Variants in GRIA4 observed in about 807,000 individuals in gnomAD.
The protein encoded by GRIA4 is glutamate receptor 4.
GRIA4 carries 34 observed loss-of-function variants against 104.0 expected under a neutral mutation model. The observed-to-expected ratio is 0.33, with a 90% CI of 0.25 to 0.44. The LOEUF is 0.44. Among genes scored for constraint, GRIA4 ranks in the 20% least tolerant of loss-of-function variants. The pLI, the probability that GRIA4 is intolerant of heterozygous loss-of-function variation, is 1.00. For synonymous variants in GRIA4, 386 were observed against 381.9 expected, an observed-to-expected ratio of 1.01 and a Z score of -0.13; for missense variants, 750 against 1,096.5, an observed-to-expected ratio of 0.68 and a Z score of 4.46.
At chr11:105,796,739 A>G (rs1306086504) in intron 4 of GRIA4, among the ~76,000 whole-genome samples, 2 of 152,122 alleles carry the variant, frequency 1.3e-5, no homozygotes. Context: ...AGGAAAATCT[A>G]TTTTTCCATA....
intron 3 of GRIA4, among the ~76,000 whole-genome samples, chr11:105,692,255 T>A (rs530283864): frequency 0.014 from 2,015 of 139,726 alleles, 56 homozygotes; most frequent in African/African-American, 0.048. Context: ...CTCTTTTTTT[T>A]AAAAAAAAAA....
chr11:105,766,355 A>C (rs1591218923), intron 4 of GRIA4, among the ~76,000 whole-genome samples: 2 of 152,178 alleles, frequency 1.3e-5, no homozygotes, highest in Admixed American at 1.3e-4. Flanking sequence ...AGAATTTTCT[A>C]CTATTTATCT....
intron 4 of GRIA4, among the ~76,000 whole-genome samples, chr11:105,756,759 GAA>G (rs148660499): frequency 1.1e-4 from 17 of 150,336 alleles, no homozygotes; most frequent in South Asian, 4.2e-4. Flanking sequence ...AGACTCTCAG[GAA>G]AAAAAAAAAT....
In GRIA4 at chr11:105,753,043, C is replaced by T. The variant is rs1019927472; in HGVS notation, c.310C>T (p.His104Tyr). ...IFGLYDKRSV[H>Y]TLTSFCSALH... ...TGGACTCTATGATAAGAGGTCGGTACATACCTTGACCTCATTCTGCAGCGC... is the reference window on the plus strand; with the variant it reads ...TGGACTCTATGATAAGAGGTCGGTATATACCTTGACCTCATTCTGCAGCGC... Residue 104 changes from histidine (H) to tyrosine (Y), a missense_variant, in exon 4 of 17, where the codon CAT becomes TAT. By Grantham distance (83) the His-to-Tyr change is moderately conservative. This residue lies in a region of GRIA4 where 410 missense variants were observed against 502.7 expected (regional missense o/e 0.82). Transcript: ENST00000282499. The T allele has an allele frequency of 1.2e-6, 2 of 1,612,422 alleles. No individual in the cohort carries two copies. Among genetic ancestry groups the T allele is most frequent in the Non-Finnish European group, 1.7e-6 (2 of 1,178,524 alleles).
At position 105,698,702 on chromosome 11, in the gene GRIA4, T is replaced by C. The variant is rs1176996785; in HGVS notation, c.248-54279T>C. Reference sequence around the variant, plus strand: ...GAAAAGAGGACATAGCACTTTGTCTTCCACTCTCCTATTCATAGCATATAG... The same window carrying C: ...GAAAAGAGGACATAGCACTTTGTCTCCCACTCTCCTATTCATAGCATATAG... On this transcript the variant is annotated intron_variant, in intron 3 of 16. Coordinates refer to ENST00000282499, the MANE Select transcript of GRIA4 (RefSeq NM_000829.4). Among the ~76,000 whole-genome samples, 5 of 152,328 alleles carry C rather than the reference T, an allele frequency of 3.3e-5. No homozygotes were observed. The East Asian group carries it at 7.7e-4, about 23-fold the overall frequency.
chr11:105,929,306 C>A (rs1277686703), intron 13 of GRIA4, among the ~76,000 whole-genome samples: 1 of 152,000 alleles, frequency 6.6e-6, no homozygotes, highest in Non-Finnish European at 1.5e-5. Context: ...CTGCCTCAGG[C>A]AATGACCTAT....
chr11:105,682,376 G>C (rs971252894), intron 3 of GRIA4, among the ~76,000 whole-genome samples: 1 of 151,938 alleles, frequency 6.6e-6, no homozygotes, highest in African/African-American at 2.4e-5. Flanking sequence ...ATGCACCACT[G>C]TTCCCTGTAA....
intron 11 of GRIA4, among the ~76,000 whole-genome samples, chr11:105,920,067 T>A (rs1194435534): frequency 6.6e-6 from 1 of 152,096 alleles, no homozygotes; most frequent in Non-Finnish European, 1.5e-5. Flanking sequence ...TTTTAGACCA[T>A]GAAGCAATGA....
chr11:105,924,880 CA>C (rs2136195352), intron 12 of GRIA4, 111 bp downstream of exon 12: 1 of 805,528 alleles, frequency 1.2e-6, no homozygotes, highest in East Asian at 2.5e-5. Flanking sequence ...ATTTGAAACA[CA>C]GAAAAAGACT....
At chr11:105,763,784 C>T (rs758368804) in intron 4 of GRIA4, among the ~76,000 whole-genome samples, 1 of 152,228 alleles carries the variant, frequency 6.6e-6, no homozygotes, top group African/African-American at 2.4e-5. Flanking sequence ...AGACATTCCT[C>T]TCTGGACCTT....
At chr11:105,659,043 C>T (rs1477430455) in intron 3 of GRIA4, among the ~76,000 whole-genome samples, 1 of 151,940 alleles carries the variant, frequency 6.6e-6, no homozygotes, top group Non-Finnish European at 1.5e-5. Flanking sequence ...AGCATGTTCA[C>T]AGAAACAAAG....
intron 3 of GRIA4, among the ~76,000 whole-genome samples, chr11:105,633,233 G>T (rs1263496430): frequency 6.6e-6 from 1 of 152,170 alleles, no homozygotes; most frequent in Non-Finnish European, 1.5e-5. Context: ...AAATTCAAAA[G>T]ATTCATTTTT....
intron 5 of GRIA4, among the ~76,000 whole-genome samples, chr11:105,873,769 T>C (rs1055684436): frequency 6.6e-6 from 1 of 152,312 alleles, no homozygotes; most frequent in Non-Finnish European, 1.5e-5. Flanking sequence ...ATGGGGTTGT[T>C]TGTTTCTTGT....
chr11:105,712,842 C>A (rs1953959633), intron 3 of GRIA4, among the ~76,000 whole-genome samples: 1 of 150,680 alleles, frequency 6.6e-6, no homozygotes. Context: ...AAGTATGAGC[C>A]CAATGTGGAA....
At position 105,981,600 on chromosome 11, in the gene GRIA4, A is replaced by G. The variant is rs1286055011; in HGVS notation, c.*1861A>G. ...ACACACACACACACACAAGTCCCTC[A>G]GGAAAAATTCCAAGCTCTTGAGAAG... On this transcript the variant is annotated 3_prime_UTR_variant, in exon 17 of 17. Transcript: ENST00000282499. The G allele has an allele frequency of 9.1e-6, 1 of 109,616 alleles. No individual in the cohort carries two copies. The highest frequency in any genetic ancestry group is 2.0e-5 in the Non-Finnish European group (1 of 50,796). The allele number at this position is 109,616 out of a possible 1,614,324, so 6.8% of individuals were successfully genotyped here. A position where few individuals can be genotyped will look rare whatever the true frequency, so the allele number is the denominator to read the frequency against.
intron 3 of GRIA4, among the ~76,000 whole-genome samples, chr11:105,694,956 CA>C (rs747499685): frequency 2.6e-5 from 4 of 152,178 alleles, no homozygotes; most frequent in Non-Finnish European, 5.9e-5. Flanking sequence ...TAATTGGTCA[CA>C]AAAAATCTAA....
chr11:105,901,216 C>G (rs892150760), intron 7 of GRIA4, among the ~76,000 whole-genome samples: 9 of 152,094 alleles, frequency 5.9e-5, no homozygotes, highest in African/African-American at 2.2e-4. Context: ...AATAGAGAGT[C>G]ACTATTATCT....
intron 4 of GRIA4, among the ~76,000 whole-genome samples, chr11:105,775,422 T>A (rs1941405793): frequency 6.6e-6 from 1 of 152,176 alleles, no homozygotes; most frequent in South Asian, 2.1e-4. Context: ...ATATGCTTAT[T>A]TATTTATGTA....
intron 3 of GRIA4, among the ~76,000 whole-genome samples, chr11:105,730,543 G>A (rs1170647854): frequency 6.6e-6 from 1 of 151,940 alleles, no homozygotes; most frequent in Non-Finnish European, 1.5e-5. Flanking sequence ...ATTTCATATG[G>A]AACCGAAAAA....
Sources: gnomAD v4.1 joint callset for allele counts (sites outside exome capture counted in the v4.1 genomes callset) on GRCh38, gnomAD v4.1.1 for gene constraint, gnomAD v4.1.1 regional missense constraint, MANE v1.5 for transcripts, NCBI Gene and HGNC (gene_info 2026-07-23, HGNC 2026-07-21) for gene names.